Variants in SH3BGRL observed in about 807,000 individuals in gnomAD.
The protein encoded by SH3BGRL is adapter SH3BGRL.
Under a neutral mutation model 9.8 loss-of-function variants are expected in SH3BGRL, and 7 were observed. That is an observed-to-expected ratio of 0.72 (90% confidence interval 0.41 to 1.35). The LOEUF (loss-of-function observed/expected upper bound fraction) is 1.35, where lower values mean the gene tolerates loss of function less well. SH3BGRL is among the 40% of genes most tolerant of loss of function. SH3BGRL has a pLI of 0.01. For synonymous variants in SH3BGRL, 36 were observed against 29.1 expected (o/e 1.24, Z -0.76); for missense variants, 73 against 84.4 (o/e 0.86, Z 0.53).
At chrX:81,218,485 T>C (rs1032241163) in intron 1 of SH3BGRL, among the ~76,000 whole-genome samples, 48 of 109,575 alleles carry the variant, frequency 4.4e-4, no homozygotes, top group African/African-American at 1.5e-3. Flanking sequence ...ACTTTATCTG[T>C]CCTTCATTTA....
At chrX:81,261,145 G>A (rs2075740136) in intron 1 of SH3BGRL, among the ~76,000 whole-genome samples, 1 of 111,179 alleles carries the variant, frequency 9.0e-6, no homozygotes, top group Admixed American at 9.6e-5. Context: ...GAAAAGTAGT[G>A]GAACAAACTT....
chrX:81,232,396 G>GTGATGA lies in SH3BGRL; in HGVS notation c.45+30183_45+30188dup, dbSNP rs199805990. Among the ~76,000 whole-genome samples the GTGATGA allele has an allele frequency of 2.2e-3, 235 of 107,349 alleles. 1 individual carries two copies. The highest frequency in any genetic ancestry group is 5.6e-3 in the African/African-American group (164 of 29,283). 93.2% of individuals were successfully genotyped at this position (107,349 alleles called of 115,157 possible). A position where few individuals can be genotyped will look rare whatever the true frequency, so the allele number is the denominator to read the frequency against. ...TAAATAAATAAATAGTAGTGAATTA[G>GTGATGA]TGATGATGATGATGATGATGATGAT... On this transcript the variant is annotated intron_variant, in intron 1 of 3. Transcript: ENST00000373212.
intron 1 of SH3BGRL, among the ~76,000 whole-genome samples, chrX:81,227,319 CT>C (rs1272413604): frequency 8.9e-6 from 1 of 112,147 alleles, no homozygotes; most frequent in Non-Finnish European, 1.9e-5. Flanking sequence ...AGATCCATTG[CT>C]AAAGCGATCA....
chrX:81,202,415 A>AT (rs35063255), intron 1 of SH3BGRL, 170 bp downstream of exon 1: 154,075 of 667,827 alleles, frequency 0.23, 2,418 homozygotes, highest in East Asian at 0.43. Context: ...CATCGATTTC[A>AT]TTTTTTTTTT....
At chrX:81,205,004 G>A (rs1327084958) in intron 1 of SH3BGRL, among the ~76,000 whole-genome samples, 1 of 112,364 alleles carries the variant, frequency 8.9e-6, no homozygotes, top group African/African-American at 3.2e-5. Context: ...TGCACACAAT[G>A]TGTGATGATC....
Position 81,298,462 on chromosome X carries a change from A to G in SH3BGRL, c.*1235A>G, listed in dbSNP as rs199904954. On this transcript the variant is annotated 3_prime_UTR_variant, in exon 4 of 4. Transcript: ENST00000373212. ...TGGTCTTTACTTTTTGCCAAAATCA[A>G]CATATAATGAAGAGATGCCTTTGTT... 3.6e-5 allele frequency: 4 copies of G among 111,428 alleles called. No individual in the cohort carries two copies. In the East Asian group the frequency reaches 1.1e-3, roughly 31 times the overall value. The allele number at this position is 111,428 out of a possible 1,213,427, so 9.2% of individuals were successfully genotyped here. A position where few individuals can be genotyped will look rare whatever the true frequency, so the allele number is the denominator to read the frequency against.
intron 1 of SH3BGRL, among the ~76,000 whole-genome samples, chrX:81,271,007 C>T (rs1011205537): frequency 8.9e-6 from 1 of 112,287 alleles, no homozygotes; most frequent in Admixed American, 9.4e-5. Flanking sequence ...TCTCAGACTG[C>T]TGCACTAGCA....
chrX:81,205,911 G>A (rs1037709264), intron 1 of SH3BGRL, among the ~76,000 whole-genome samples: 5 of 111,313 alleles, frequency 4.5e-5, no homozygotes, highest in Non-Finnish European at 9.4e-5. Context: ...TTTAATTGGA[G>A]TGAGATGTTA....
chrX:81,265,294 G>T (rs1569366217), intron 1 of SH3BGRL, among the ~76,000 whole-genome samples: 1 of 106,762 alleles, frequency 9.4e-6, no homozygotes, highest in Non-Finnish European at 1.9e-5. Flanking sequence ...ACGTGCCATG[G>T]TGATTTGCTG....
chrX:81,246,783 G>T (rs978813181), intron 1 of SH3BGRL, among the ~76,000 whole-genome samples: 2 of 111,330 alleles, frequency 1.8e-5, no homozygotes, highest in African/African-American at 6.5e-5. Flanking sequence ...GATTTCTAGG[G>T]CTATTTGGGC....
At chrX:81,204,644 C>T (rs1202056418) in intron 1 of SH3BGRL, among the ~76,000 whole-genome samples, 3 of 109,659 alleles carry the variant, frequency 2.7e-5, no homozygotes, top group African/African-American at 1.0e-4. Flanking sequence ...AGTGGGGGAT[C>T]TGGATCTGTG....
chrX:81,286,052 A>C (rs766646171), intron 3 of SH3BGRL, among the ~76,000 whole-genome samples: 10 of 111,838 alleles, frequency 8.9e-5, no homozygotes, highest in Non-Finnish European at 1.9e-4. Flanking sequence ...AAGACAAATA[A>C]TTGTTGTATT....
intron 1 of SH3BGRL, among the ~76,000 whole-genome samples, chrX:81,262,947 C>T (rs947391303): frequency 9.0e-6 from 1 of 111,466 alleles, no homozygotes; most frequent in African/African-American, 3.3e-5. Flanking sequence ...TAGTCCCTAC[C>T]TCCAGATAGC....
At chrX:81,246,936 C>T in intron 1 of SH3BGRL, among the ~76,000 whole-genome samples, 1 of 112,149 alleles carries the variant, frequency 8.9e-6, no homozygotes, top group East Asian at 2.8e-4. Context: ...TCTTCCAAAT[C>T]ATTAGCATAT....
At chrX:81,280,339 G>A (rs1418198997) in intron 3 of SH3BGRL, among the ~76,000 whole-genome samples, 2 of 111,161 alleles carry the variant, frequency 1.8e-5, no homozygotes, top group African/African-American at 6.6e-5. Context: ...GATGGTTTCT[G>A]GAAAGCGCCA....
intron 1 of SH3BGRL, among the ~76,000 whole-genome samples, chrX:81,238,826 G>A (rs768621260): frequency 1.1e-4 from 12 of 109,171 alleles, no homozygotes; most frequent in Non-Finnish European, 2.3e-4. Context: ...GAGAGAGAGA[G>A]GGAGAGAGAG....
Position 81,293,278 on chromosome X carries a change from A to G in SH3BGRL, c.313-3917A>G, listed in dbSNP as rs1053766899. On this transcript the variant is annotated intron_variant, in intron 3 of 3. Coordinates refer to ENST00000373212, the MANE Select transcript of SH3BGRL (RefSeq NM_003022.3). ...CATGTGGAACTGTAAGTCTAATTAA[A>G]CATTTTTTTTTTCTTCCCAGCCTCG... is the stretch of plus-strand genomic sequence containing the variant. 8.0e-5 allele frequency among the ~76,000 whole-genome samples: 9 copies of G among 111,876 alleles called. No individual in the cohort carries two copies. In the East Asian group the frequency reaches 2.5e-3, roughly 31 times the overall value.
chrX:81,285,705 G>C (rs1344476903), intron 3 of SH3BGRL, among the ~76,000 whole-genome samples: 2 of 111,830 alleles, frequency 1.8e-5, no homozygotes, highest in African/African-American at 6.5e-5. Flanking sequence ...AACTAGTTAA[G>C]TATCTAACGA....
chrX:81,296,124 G>A (rs2075873616), intron 3 of SH3BGRL, among the ~76,000 whole-genome samples: 1 of 111,500 alleles, frequency 9.0e-6, no homozygotes, highest in South Asian at 3.8e-4. Flanking sequence ...TCATGGCAAA[G>A]GGTGAAGGGG....
Sources: gnomAD v4.1 joint callset for allele counts (sites outside exome capture counted in the v4.1 genomes callset) on GRCh38, gnomAD v4.1.1 for gene constraint, MANE v1.5 for transcripts, NCBI Gene and HGNC (gene_info 2026-07-23, HGNC 2026-07-21) for gene names.